Variants in PID1 observed in about 807,000 individuals in gnomAD.
The protein encoded by PID1 is phosphotyrosine interaction domain containing 1, also known as PTB-containing, cubilin and LRP1-interacting protein.
Under a neutral mutation model 19.1 loss-of-function variants are expected in PID1, and 10 were observed. The observed-to-expected ratio is 0.52, with a 90% confidence interval of 0.32 to 0.89. The LOEUF is 0.89. Among genes scored for constraint, PID1 ranks in the 40% least tolerant of loss-of-function variants. The pLI is 0.03. For synonymous variants in PID1, 130 were observed against 116.0 expected (o/e 1.12, Z -0.78); for missense variants, 248 against 285.3 (o/e 0.87, Z 0.94).
intron 1 of PID1, among the ~76,000 whole-genome samples, chr2:229,254,035 T>C (rs1426643424): frequency 2.6e-5 from 4 of 152,164 alleles, no homozygotes; most frequent in Non-Finnish European, 4.4e-5. Flanking sequence ...TTGTCAGCTA[T>C]GACTACTTTG....
chr2:229,130,404 A>G (rs546182825), intron 2 of PID1, among the ~76,000 whole-genome samples: 1 of 152,246 alleles, frequency 6.6e-6, no homozygotes, highest in East Asian at 1.9e-4. Flanking sequence ...GCCTTTCTGG[A>G]AAGTTCTGAG....
At chr2:229,259,725 G>T (rs1690407120) in intron 1 of PID1, among the ~76,000 whole-genome samples, 1 of 152,122 alleles carries the variant, frequency 6.6e-6, no homozygotes, top group Non-Finnish European at 1.5e-5. Context: ...AGTCGCTATG[G>T]TCTAGACTCA....
chr2:229,160,047 G>C (rs1166188282), intron 1 of PID1, among the ~76,000 whole-genome samples: 1 of 152,170 alleles, frequency 6.6e-6, no homozygotes, highest in East Asian at 1.9e-4. Flanking sequence ...TTGAGTAAGT[G>C]GGGGTATCTC....
At chr2:229,145,737 T>C (rs1574665871) in intron 2 of PID1, among the ~76,000 whole-genome samples, 1 of 152,186 alleles carries the variant, frequency 6.6e-6, no homozygotes, top group Non-Finnish European at 1.5e-5. Context: ...TTACAAACAC[T>C]GTTTCATGTG....
chr2:229,144,170 T>C (rs1394098336), intron 2 of PID1, among the ~76,000 whole-genome samples: 2 of 152,112 alleles, frequency 1.3e-5, no homozygotes, highest in Admixed American at 6.5e-5. Flanking sequence ...AGGCACACAA[T>C]GTTTACTTCT....
intron 2 of PID1, among the ~76,000 whole-genome samples, chr2:229,049,531 G>A (rs76067857): frequency 1.4e-4 from 22 of 152,242 alleles, no homozygotes; most frequent in African/African-American, 5.3e-4. Context: ...AACATACCAT[G>A]AGCAATTATA....
chr2:229,158,753 G>A (rs537350634), intron 1 of PID1, among the ~76,000 whole-genome samples: 22 of 152,226 alleles, frequency 1.4e-4, no homozygotes, highest in African/African-American at 4.1e-4. Flanking sequence ...AAGTACCTTC[G>A]CCTCAGTAAA....
chr2:229,142,043 T>C (rs1423316698), intron 2 of PID1, among the ~76,000 whole-genome samples: 1 of 152,106 alleles, frequency 6.6e-6, no homozygotes, highest in Non-Finnish European at 1.5e-5. Context: ...AAGAGGATTT[T>C]ATGAAATTTT....
At chr2:229,263,000 T>G (rs971127152) in intron 1 of PID1, 9 of 1,123,962 alleles carry the variant, frequency 8.0e-6, no homozygotes, top group Non-Finnish European at 1.1e-5. Context: ...AAAGCTACAT[T>G]CACAGGTACC....
At chr2:229,255,438 C>CG (rs1690268438) in intron 1 of PID1, among the ~76,000 whole-genome samples, 1 of 152,032 alleles carries the variant, frequency 6.6e-6, no homozygotes, top group Admixed American at 6.5e-5. Flanking sequence ...TTGGTGGGAA[C>CG]GGAGATTCTC....
At chr2:229,225,783 C>T (rs949188416) in intron 1 of PID1, among the ~76,000 whole-genome samples, 1 of 152,098 alleles carries the variant, frequency 6.6e-6, no homozygotes, top group Non-Finnish European at 1.5e-5. Context: ...ACAGCAAGGA[C>T]AGGAATAAGA....
chr2:229,090,321 C>T (rs755316311), intron 2 of PID1, among the ~76,000 whole-genome samples: 27 of 152,176 alleles, frequency 1.8e-4, no homozygotes, highest in Non-Finnish European at 3.4e-4. Context: ...TTAATTAATG[C>T]CATTTGATTA....
rs1693390406 is a variant in PID1, at chr2:229,025,380, A to AG, written c.*251dup. 2 of 475,032 alleles carry AG rather than the reference A, an allele frequency of 4.2e-6. No homozygotes were observed. The highest frequency in any genetic ancestry group is 3.8e-6 in the Non-Finnish European group (1 of 265,586). 29.4% of individuals were successfully genotyped at this position (475,032 alleles called of 1,614,324 possible). ...GAGGCATTGGGAAATGAGAAAAATA[A>AG]GAGAGCCTAGAACCTTCCTCCCCAT... On this transcript the variant is annotated 3_prime_UTR_variant, in exon 3 of 3. Transcript: ENST00000392055.
chr2:229,176,566 C>T (rs781158298), intron 1 of PID1, among the ~76,000 whole-genome samples: 1 of 152,204 alleles, frequency 6.6e-6, no homozygotes, highest in Non-Finnish European at 1.5e-5. Context: ...ATTAGTCATG[C>T]CTGATTTCAA....
At chr2:229,198,501 T>C (rs1353572702) in intron 1 of PID1, among the ~76,000 whole-genome samples, 1 of 152,062 alleles carries the variant, frequency 6.6e-6, no homozygotes, top group Non-Finnish European at 1.5e-5. Context: ...TGTATACACT[T>C]GCCTTCTTCA....
At chr2:229,131,011 C>G (rs1689727549) in intron 2 of PID1, among the ~76,000 whole-genome samples, 1 of 152,142 alleles carries the variant, frequency 6.6e-6, no homozygotes, top group African/African-American at 2.4e-5. Flanking sequence ...ATAAAGATAC[C>G]CACCATATCG....
chr2:229,142,549 T>C (rs1348029508), intron 2 of PID1, among the ~76,000 whole-genome samples: 1 of 152,250 alleles, frequency 6.6e-6, no homozygotes, highest in East Asian at 1.9e-4. Context: ...CTAAGCTACA[T>C]TTTCCTAAGC....
chr2:229,135,264 CA>C (rs1166448064), intron 2 of PID1, among the ~76,000 whole-genome samples: 6 of 152,188 alleles, frequency 3.9e-5, no homozygotes, highest in Non-Finnish European at 5.9e-5. Flanking sequence ...GTCCACCATT[CA>C]GGGGGCATAT....
At chr2:229,030,555 G>GA (rs1303042936) in intron 2 of PID1, among the ~76,000 whole-genome samples, 4 of 151,336 alleles carry the variant, frequency 2.6e-5, no homozygotes, top group Admixed American at 6.6e-5. Flanking sequence ...ATGTTTGGTA[G>GA]AAAAAATCCT....
Sources: allele counts gnomAD v4.1 joint callset (sites outside exome capture counted in the v4.1 genomes callset), GRCh38; gene constraint gnomAD v4.1.1; transcripts MANE v1.5; gene names NCBI Gene and HGNC (gene_info 2026-07-23, HGNC 2026-07-21).